The following AOPEP variants were observed in gnomAD, a reference collection of about 807,000 sequenced individuals.
AOPEP encodes the protein aminopeptidase O (putative).
In AOPEP, 77 loss-of-function variants were observed where a neutral mutation model predicts 98.1. The observed-to-expected ratio is 0.78, with a 90% CI of 0.65 to 0.95. The LOEUF (loss-of-function observed/expected upper bound fraction) is 0.95. AOPEP is among the 40% of genes least tolerant of loss of function. The pLI is 0.00. For synonymous variants in AOPEP, 346 were observed against 365.3 expected (o/e 0.95, Z 0.60); for missense variants, 1,024 against 1,024.7 (o/e 1.00, Z 0.01).
intron 5 of AOPEP, among the ~76,000 whole-genome samples, chr9:94,856,065 G>A (rs2044173400): frequency 6.6e-6 from 1 of 152,168 alleles, no homozygotes; most frequent in Non-Finnish European, 1.5e-5. Context: ...CCAGGCATCA[G>A]CTCTAGGGTG....
intron 11 of AOPEP, among the ~76,000 whole-genome samples, chr9:94,997,219 C>G (rs901536437): frequency 6.6e-6 from 1 of 152,158 alleles, no homozygotes; most frequent in African/African-American, 2.4e-5. Context: ...CTTTTTAGTT[C>G]TTTTTGTGTG....
intron 5 of AOPEP, among the ~76,000 whole-genome samples, 198 bp downstream of exon 5, chr9:94,801,200 A>G (rs1224541372): frequency 6.6e-6 from 1 of 152,204 alleles, no homozygotes; most frequent in African/African-American, 2.4e-5. Context: ...TTTGAGTGTC[A>G]TGGGCTCAGT....
chr9:94,761,261 G>A (rs560838257), intron 2 of AOPEP, among the ~76,000 whole-genome samples: 33 of 152,308 alleles, frequency 2.2e-4, no homozygotes, highest in Admixed American at 7.8e-4. Context: ...TGGAGGTGTC[G>A]TTTTCTAGAG....
chr9:94,898,588 C>T (rs776233417), intron 5 of AOPEP, among the ~76,000 whole-genome samples: 14 of 148,414 alleles, frequency 9.4e-5, no homozygotes, highest in Non-Finnish European at 1.6e-4. Flanking sequence ...AGCCAGATCG[C>T]GCCATTGCAC....
At chr9:95,078,257 T>C (rs1317430001) in intron 14 of AOPEP, among the ~76,000 whole-genome samples, 2 of 152,216 alleles carry the variant, frequency 1.3e-5, no homozygotes, top group African/African-American at 4.8e-5. Flanking sequence ...TGCCGCTGCC[T>C]CCGGCCGCCA....
At chr9:94,880,186 G>A (rs2047401226) in intron 5 of AOPEP, among the ~76,000 whole-genome samples, 1 of 152,046 alleles carries the variant, frequency 6.6e-6, no homozygotes, top group African/African-American at 2.4e-5. Flanking sequence ...AGTTTTACAG[G>A]TATCATCTTC....
chr9:94,802,649 G>A (rs1848437275), intron 5 of AOPEP, among the ~76,000 whole-genome samples: 1 of 152,176 alleles, frequency 6.6e-6, no homozygotes, highest in East Asian at 1.9e-4. Context: ...TGAAAAATAT[G>A]GTGGTGATCA....
chr9:95,103,737 TG>T, the AOPEP span, among the ~76,000 whole-genome samples: 1 of 151,600 alleles, frequency 6.6e-6, no homozygotes, highest in Admixed American at 6.6e-5. Flanking sequence ...AGCCGGGGAG[TG>T]GGCCTCCAGG....
chr9:95,011,331 G>A (rs2062498672), intron 13 of AOPEP, among the ~76,000 whole-genome samples: 1 of 151,622 alleles, frequency 6.6e-6, no homozygotes. Flanking sequence ...GAGTAGCTGG[G>A]ACTACAGGCA....
chr9:95,066,670 C>T (rs1047571407), intron 14 of AOPEP, among the ~76,000 whole-genome samples: 6 of 152,060 alleles, frequency 3.9e-5, no homozygotes, highest in African/African-American at 1.2e-4. Context: ...ATGTGAGGGC[C>T]TCTGTGTTTG....
intron 13 of AOPEP, among the ~76,000 whole-genome samples, chr9:95,012,986 T>TG (rs1337930411): frequency 1.5e-3 from 140 of 91,810 alleles, no homozygotes; most frequent in East Asian, 2.6e-3. Flanking sequence ...TGTTTTTTTT[T>TG]TGGGGGGGGG....
chr9:95,118,738 G>A, the AOPEP span, among the ~76,000 whole-genome samples: 59 of 152,314 alleles, frequency 3.9e-4, no homozygotes, highest in Middle Eastern at 3.4e-3. Flanking sequence ...TATTGTGTGC[G>A]AGTAGATCAT....
chr9:94,958,104 G>C (rs770286177), intron 9 of AOPEP, among the ~76,000 whole-genome samples: 4 of 152,098 alleles, frequency 2.6e-5, no homozygotes, highest in Admixed American at 6.5e-5. Context: ...CTGTGAGTTT[G>C]ACTCTTCTAG....
At chr9:94,752,383 A>C (rs907679166) in intron 1 of AOPEP, among the ~76,000 whole-genome samples, 11 of 139,148 alleles carry the variant, frequency 7.9e-5, no homozygotes, top group Admixed American at 4.9e-4. Context: ...ACACACACAC[A>C]CACCCCACAT....
intron 5 of AOPEP, among the ~76,000 whole-genome samples, chr9:94,804,060 G>A (rs1848732034): frequency 6.6e-6 from 1 of 152,146 alleles, no homozygotes; most frequent in African/African-American, 2.4e-5. Context: ...TGTTTTCATT[G>A]TGTCCTCGTA....
intron 2 of AOPEP, among the ~76,000 whole-genome samples, chr9:94,768,505 C>G (rs1840140487): frequency 1.3e-5 from 2 of 152,204 alleles, no homozygotes; most frequent in Admixed American, 1.3e-4. Flanking sequence ...TCCTAGCTGA[C>G]CTCTTACCTT....
At position 94,821,803 on chromosome 9, in the gene AOPEP, G is replaced by A. The variant is rs145463248; in HGVS notation, c.1364+20801G>A. Among the ~76,000 whole-genome samples, 660 of 152,282 alleles carry A rather than the reference G, an allele frequency of 4.3e-3. 5 individuals are homozygous for A. The highest frequency in any genetic ancestry group is 0.015 in the African/African-American group (639 of 41,552). ...TGGTGGTAACATCAATGGGAGGCAA[G>A]CAATAGATGTGATTTATCTCAGCCT... is the stretch of plus-strand genomic sequence containing the variant. On this transcript the variant is annotated intron_variant, in intron 5 of 16. Transcript: ENST00000375315.
intron 5 of AOPEP, among the ~76,000 whole-genome samples, chr9:94,806,727 G>T (rs982652501): frequency 2.0e-5 from 3 of 152,120 alleles, no homozygotes; most frequent in African/African-American, 7.2e-5. Flanking sequence ...ATAGTAACTG[G>T]TATTCATAAA....
intron 13 of AOPEP, among the ~76,000 whole-genome samples, chr9:95,055,032 A>T (rs1481523617): frequency 1.3e-5 from 2 of 152,236 alleles, no homozygotes; most frequent in Admixed American, 1.3e-4. Context: ...TTGCTTCAAC[A>T]TATAAAGGTT....
Sources: gnomAD v4.1 joint callset for allele counts (sites outside exome capture counted in the v4.1 genomes callset) on GRCh38, gnomAD v4.1.1 for gene constraint, MANE v1.5 for transcripts, NCBI Gene and HGNC (gene_info 2026-07-23, HGNC 2026-07-21) for gene names.